Variants in DGKB observed in about 807,000 individuals in gnomAD.
DGKB encodes diacylglycerol kinase beta, also known as 90 kDa diacylglycerol kinase.
A neutral mutation model predicts 114.3 loss-of-function variants in DGKB; 67 were observed. The ratio of observed to expected loss-of-function variants is 0.59; its 90% confidence interval spans 0.48 to 0.72. The LOEUF (loss-of-function observed/expected upper bound fraction) is 0.72, where lower values mean the gene tolerates loss of function less well. Ranked by LOEUF, DGKB falls within the 30% of genes least tolerant of loss-of-function variation. The pLI, the probability that DGKB is intolerant of heterozygous loss-of-function variation, is 0.00. For missense variants in DGKB, 907 were observed against 975.2 expected (o/e 0.93, Z 0.93); for synonymous variants, 398 against 323.1 (o/e 1.23, Z -2.49).
At chr7:14,304,188 A>C (rs2128493479) in intron 23 of DGKB, among the ~76,000 whole-genome samples, 1 of 152,002 alleles carries the variant, frequency 6.6e-6, no homozygotes, top group East Asian at 1.9e-4. Context: ...GGTAAGGTTT[A>C]TGTGTTTGCT....
chr7:14,213,074 A>G (rs902385553), intron 23 of DGKB, among the ~76,000 whole-genome samples: 9 of 152,094 alleles, frequency 5.9e-5, no homozygotes, highest in African/African-American at 1.9e-4. Context: ...GTACCAGTTC[A>G]ATTTGAAATA....
intron 1 of DGKB, among the ~76,000 whole-genome samples, chr7:14,899,266 T>C (rs1782601785): frequency 6.6e-6 from 1 of 152,166 alleles, no homozygotes; most frequent in African/African-American, 2.4e-5. Flanking sequence ...CTCTTTTACC[T>C]CTTCAGTCAG....
At chr7:14,532,841 A>G (rs538152517) in intron 20 of DGKB, among the ~76,000 whole-genome samples, 1 of 151,810 alleles carries the variant, frequency 6.6e-6, no homozygotes, top group Non-Finnish European at 1.5e-5. Context: ...TAGAGTGTCC[A>G]TAGAATATTA....
chr7:14,168,803 T>C (rs1337051470), intron 25 of DGKB, among the ~76,000 whole-genome samples: 1 of 152,120 alleles, frequency 6.6e-6, no homozygotes, highest in Admixed American at 6.5e-5. Context: ...GTACAAAGGA[T>C]CAGGCAAATA....
chr7:14,878,751 A>G (rs2128209360), intron 1 of DGKB, among the ~76,000 whole-genome samples: 1 of 128,460 alleles, frequency 7.8e-6, no homozygotes, highest in South Asian at 2.6e-4. Context: ...TCCGTCTCAA[A>G]AAACAAAAAA....
chr7:14,778,952 T>G (rs918125057), intron 2 of DGKB, among the ~76,000 whole-genome samples: 1 of 152,132 alleles, frequency 6.6e-6, no homozygotes, highest in Non-Finnish European at 1.5e-5. Flanking sequence ...GGTCAGGAGT[T>G]CGAGATCAAC....
chr7:14,707,479 C>T (rs1268660699), intron 6 of DGKB, among the ~76,000 whole-genome samples: 2 of 128,692 alleles, frequency 1.6e-5, no homozygotes, highest in Non-Finnish European at 3.3e-5. Flanking sequence ...AGGCCAGCAT[C>T]ATTCTGATAC....
In DGKB at chr7:14,920,496, C is replaced by T. The variant is rs762633645; in HGVS notation, c.-188+54200G>A. Among the ~76,000 whole-genome samples the T allele has an allele frequency of 2.0e-5, 3 of 152,146 alleles. No homozygotes were observed. In the East Asian group the frequency reaches 5.8e-4, roughly 29 times the overall value. ...TCTATAATCCAAAAATTCTCCAATA[C>T]GCAATGCTGGTGAGGAAGTAGAACA... On this transcript the variant is annotated intron_variant, in intron 1 of 4. Transcript: ENST00000437998.
At chr7:14,150,190 A>T (rs2128210301) in intron 25 of DGKB, among the ~76,000 whole-genome samples, 1 of 152,266 alleles carries the variant, frequency 6.6e-6, no homozygotes, top group East Asian at 1.9e-4. Flanking sequence ...CATTTTCTTT[A>T]GCGAACTGCG....
intron 2 of DGKB, among the ~76,000 whole-genome samples, chr7:14,764,877 C>T (rs1836232290): frequency 6.6e-6 from 1 of 151,676 alleles, no homozygotes; most frequent in African/African-American, 2.4e-5. Flanking sequence ...ATAATATTGT[C>T]ATTAAATGAA....
At chr7:14,308,204 A>G (rs952478545) in intron 23 of DGKB, among the ~76,000 whole-genome samples, 4 of 152,068 alleles carry the variant, frequency 2.6e-5, no homozygotes, top group Non-Finnish European at 4.4e-5. Flanking sequence ...TGTCATAAAC[A>G]TTTTCAAATG....
intron 23 of DGKB, among the ~76,000 whole-genome samples, chr7:14,250,484 C>G (rs1297902274): frequency 6.6e-6 from 1 of 152,068 alleles, no homozygotes; most frequent in African/African-American, 2.4e-5. Flanking sequence ...TTATTGACTT[C>G]TAGTTTCATG....
intron 5 of DGKB, among the ~76,000 whole-genome samples, chr7:14,720,035 T>C (rs1344535072): frequency 6.6e-6 from 1 of 152,082 alleles, no homozygotes; most frequent in East Asian, 1.9e-4. Context: ...CTATTTTTGT[T>C]CAAGGCCAAT....
chr7:14,340,146 G>A (rs1811361508), intron 22 of DGKB, among the ~76,000 whole-genome samples: 1 of 134,658 alleles, frequency 7.4e-6, no homozygotes, highest in Admixed American at 7.6e-5. Flanking sequence ...GCGAAACCAA[G>A]ATCTGGATGA....
intron 1 of DGKB, among the ~76,000 whole-genome samples, chr7:14,883,282 A>C (rs1854521593): frequency 6.6e-6 from 1 of 151,826 alleles, no homozygotes; most frequent in African/African-American, 2.4e-5. Context: ...TTGTTTGCAA[A>C]GTTTTAAGGG....
intron 20 of DGKB, among the ~76,000 whole-genome samples, chr7:14,522,555 A>T (rs1421050087): frequency 6.6e-6 from 1 of 152,208 alleles, no homozygotes; most frequent in Non-Finnish European, 1.5e-5. Context: ...CCCTTTCGGC[A>T]GTGGCAGCAA....
intron 2 of DGKB, among the ~76,000 whole-genome samples, chr7:14,794,810 C>G (rs1388155021): frequency 6.6e-6 from 1 of 152,124 alleles, no homozygotes; most frequent in Non-Finnish European, 1.5e-5. Context: ...CATTGAGCCT[C>G]TAAGTTCTGA....
intron 21 of DGKB, among the ~76,000 whole-genome samples, chr7:14,449,204 A>G (rs923773613): frequency 2.0e-5 from 3 of 152,058 alleles, no homozygotes; most frequent in African/African-American, 7.2e-5. Context: ...TTAGTAAGTA[A>G]TTTTTCCTAA....
At chr7:14,896,164 T>C (rs1782068329) in intron 1 of DGKB, among the ~76,000 whole-genome samples, 1 of 151,652 alleles carries the variant, frequency 6.6e-6, no homozygotes. Flanking sequence ...GTAGCCAATA[T>C]AAAGCAAAAC....
Sources: allele counts gnomAD v4.1 joint callset (sites outside exome capture counted in the v4.1 genomes callset), GRCh38; gene constraint gnomAD v4.1.1; transcripts MANE v1.5; gene names NCBI Gene and HGNC (gene_info 2026-07-23, HGNC 2026-07-21).